TEK: variants seen among roughly 807,000 people sequenced by gnomAD.
TEK encodes TEK receptor tyrosine kinase.
Under a neutral mutation model 131.8 loss-of-function variants are expected in TEK, and 43 were observed. The ratio of observed to expected loss-of-function variants is 0.33; its 90% CI spans 0.26 to 0.42. The LOEUF is 0.42. TEK is among the 10% of genes least tolerant of loss of function. TEK has a pLI of 1.00. For missense variants in TEK, 1,162 were observed against 1,384.4 expected, an observed-to-expected ratio of 0.84 and a Z score of 2.55; for synonymous variants, 580 against 491.6, an observed-to-expected ratio of 1.18 and a Z score of -2.38.
chr9:27,221,088 G>C (rs1454813601), intron 21 of TEK, among the ~76,000 whole-genome samples: 4 of 152,214 alleles, frequency 2.6e-5, no homozygotes, highest in Admixed American at 1.3e-4. Context: ...GGTGAGGGGA[G>C]AGGCATCTGC....
intron 16 of TEK, among the ~76,000 whole-genome samples, chr9:27,211,158 A>G (rs62546527): frequency 8.5e-6 from 1 of 117,070 alleles, no homozygotes; most frequent in Non-Finnish European, 1.7e-5. Context: ...TATATGTATG[A>G]ATATATGTAT....
intron 11 of TEK, among the ~76,000 whole-genome samples, chr9:27,195,123 A>G (rs1463538270): frequency 6.6e-6 from 1 of 152,188 alleles, no homozygotes; most frequent in Non-Finnish European, 1.5e-5. Flanking sequence ...GTTAAACTTC[A>G]GAGGTTAACA....
intron 1 of TEK, among the ~76,000 whole-genome samples, chr9:27,118,589 C>T (rs1821660955): frequency 6.6e-6 from 1 of 152,170 alleles, no homozygotes; most frequent in Non-Finnish European, 1.5e-5. Flanking sequence ...ATGTCGTGAT[C>T]ATGCCGCTGC....
chr9:27,193,981 T>G (rs919445918), intron 11 of TEK, among the ~76,000 whole-genome samples: 1 of 152,006 alleles, frequency 6.6e-6, no homozygotes, highest in African/African-American at 2.4e-5. Context: ...CTTCAAAAAA[T>G]TTTTTTTGTA....
intron 17 of TEK, 32 bp from the exon 18 acceptor site, chr9:27,213,452 C>T (rs1364755643): frequency 1.9e-6 from 3 of 1,548,714 alleles, no homozygotes; most frequent in East Asian, 4.5e-5. Context: ...TTTCATTAGG[C>T]TGAAAATACA....
chr9:27,138,024 T>G (rs915497635), intron 1 of TEK, among the ~76,000 whole-genome samples: 13 of 152,098 alleles, frequency 8.5e-5, no homozygotes, highest in African/African-American at 3.1e-4. Flanking sequence ...ACCTTCCCAG[T>G]GAGTGTTACA....
intron 1 of TEK, among the ~76,000 whole-genome samples, chr9:27,129,876 T>C (rs960780337): frequency 3.3e-5 from 5 of 152,164 alleles, no homozygotes; most frequent in Admixed American, 2.6e-4. Flanking sequence ...ACTGATGGCT[T>C]TGGGGAAAGA....
chr9:27,150,749 A>G (rs1484883991), intron 1 of TEK, among the ~76,000 whole-genome samples: 1 of 152,222 alleles, frequency 6.6e-6, no homozygotes, highest in Non-Finnish European at 1.5e-5. Flanking sequence ...ATGAATGTTC[A>G]GTAAAGTCTC....
chr9:27,126,926 A>C (rs1822010424), intron 1 of TEK, among the ~76,000 whole-genome samples: 1 of 152,196 alleles, frequency 6.6e-6, no homozygotes, highest in Non-Finnish European at 1.5e-5. Context: ...TAGAGATGCC[A>C]AAACAACATA....
At chr9:27,113,848 A>G (rs887365561) in intron 1 of TEK, among the ~76,000 whole-genome samples, 2 of 152,160 alleles carry the variant, frequency 1.3e-5, no homozygotes, top group Admixed American at 6.5e-5. Flanking sequence ...TTATCCATTT[A>G]TCCCTGTTTG....
At chr9:27,204,435 A>T (rs941595541) in intron 13 of TEK, among the ~76,000 whole-genome samples, 1 of 151,974 alleles carries the variant, frequency 6.6e-6, no homozygotes, top group Non-Finnish European at 1.5e-5. Flanking sequence ...GGTTTTCTTC[A>T]TTAACTCATT....
intron 1 of TEK, among the ~76,000 whole-genome samples, chr9:27,135,369 G>A (rs1043723058): frequency 6.6e-6 from 1 of 152,084 alleles, no homozygotes; most frequent in African/African-American, 2.4e-5. Flanking sequence ...GATGGGCTCT[G>A]TAGGGTAGGT....
At chr9:27,118,067 G>T (rs1587474921) in intron 1 of TEK, among the ~76,000 whole-genome samples, 2 of 152,164 alleles carry the variant, frequency 1.3e-5, no homozygotes, top group Non-Finnish European at 2.9e-5. Context: ...TGGCTGCAGA[G>T]CCAAAGGGGA....
intron 1 of TEK, among the ~76,000 whole-genome samples, chr9:27,131,780 C>T (rs1224082172): frequency 1.3e-5 from 2 of 151,508 alleles, no homozygotes; most frequent in Non-Finnish European, 2.9e-5. Context: ...GCACTCCCGA[C>T]TGGGTGACAG....
rs537939476 is a variant in TEK, at chr9:27,165,185, G to C, written c.365-3310G>C. ...AGAGTGGTGGGGGGAAAGCTACTTGGAATTGAGCCTACTGGGGAACCTTGG... is the reference window on the plus strand; with the variant it reads ...AGAGTGGTGGGGGGAAAGCTACTTGCAATTGAGCCTACTGGGGAACCTTGG... On this transcript the variant is annotated intron_variant, in intron 2 of 22. Transcript: ENST00000380036. 2.6e-5 allele frequency among the ~76,000 whole-genome samples: 4 copies of C among 152,280 alleles called. No homozygotes were observed. In the South Asian group the frequency reaches 6.2e-4, roughly 24 times the overall value.
chr9:27,218,743 C>G (rs771183622), intron 19 of TEK, 34 bp from the exon 20 acceptor site: 1 of 1,613,384 alleles, frequency 6.2e-7, no homozygotes, highest in Non-Finnish European at 8.5e-7. Context: ...ACTCTGTTTG[C>G]TGATTGTTGG....
intron 1 of TEK, among the ~76,000 whole-genome samples, chr9:27,112,924 A>C (rs1587467953): frequency 6.6e-6 from 1 of 152,254 alleles, no homozygotes; most frequent in South Asian, 2.1e-4. Flanking sequence ...GGGGATACAC[A>C]AAAGTCATGG....
chr9:27,194,183 T>G (rs1824925268), intron 11 of TEK, among the ~76,000 whole-genome samples: 1 of 152,194 alleles, frequency 6.6e-6, no homozygotes, highest in Non-Finnish European at 1.5e-5. Context: ...TTATCCCAGT[T>G]CACATATTTG....
rs757205618 is a variant in TEK, at chr9:27,109,599, T to C, written c.9T>C (p.Ser3=). 6.2e-7 allele frequency: 1 copy of C among 1,614,212 alleles called. No individual in the cohort carries two copies. Among genetic ancestry groups the C allele is most frequent in the African/African-American group, 1.3e-5 (1 of 75,056 alleles). The change falls in exon 1 of 23, where the codon TCT becomes TCC. Residue 3 remains serine, a synonymous_variant. Transcript: ENST00000380036. Reference sequence around the variant, plus strand: ...GAGAGATTTGGGGAAGCATGGACTCTTTAGCCAGCTTAGTTCTCTGTGGAG... The same window carrying C: ...GAGAGATTTGGGGAAGCATGGACTCCTTAGCCAGCTTAGTTCTCTGTGGAG... MD[S]LASLVLCGVS... is the part of the protein sequence containing the mutation.
Sources: gnomAD v4.1 joint callset for allele counts (sites outside exome capture counted in the v4.1 genomes callset) on GRCh38, gnomAD v4.1.1 for gene constraint, MANE v1.5 for transcripts, NCBI Gene and HGNC (gene_info 2026-07-23, HGNC 2026-07-21) for gene names.